PLA2G12A: variants seen among roughly 807,000 people sequenced by gnomAD.
PLA2G12A encodes the protein group XIIA secretory phospholipase A2.
A neutral mutation model predicts 16.0 loss-of-function variants in PLA2G12A; 11 were observed. The ratio of observed to expected loss-of-function variants is 0.69; its 90% CI spans 0.43 to 1.13. The LOEUF is 1.13. Among genes scored for constraint, PLA2G12A ranks in the 50% most tolerant of loss-of-function variants. PLA2G12A has a pLI of 0.00. For synonymous variants in PLA2G12A, 77 were observed against 93.8 expected (o/e 0.82, Z 1.03); for missense variants, 214 against 237.3 (o/e 0.90, Z 0.65).
chr4:109,719,382 T>C (rs1028614461), intron 1 of PLA2G12A, among the ~76,000 whole-genome samples: 1 of 152,008 alleles, frequency 6.6e-6, no homozygotes, highest in Non-Finnish European at 1.5e-5. Context: ...TTCTTTGCCA[T>C]CTAAGGAAAA....
At chr4:109,715,086 C>T (rs1370356022) in intron 3 of PLA2G12A, among the ~76,000 whole-genome samples, 1 of 152,122 alleles carries the variant, frequency 6.6e-6, no homozygotes, top group Non-Finnish European at 1.5e-5. Context: ...GCTGGGATTA[C>T]AGGCGTGGGC....
intron 1 of PLA2G12A, 63 bp downstream of exon 1, chr4:109,729,539 G>A: frequency 6.5e-7 from 1 of 1,531,320 alleles, no homozygotes; most frequent in Non-Finnish European, 8.9e-7. Flanking sequence ...CACACCTCCA[G>A]GATCTCCGTC....
At chr4:109,729,511 T>C in intron 1 of PLA2G12A, 91 bp downstream of exon 1, 1 of 1,354,818 alleles carries the variant, frequency 7.4e-7, no homozygotes, top group Admixed American at 2.1e-5. Context: ...CGTCAAGGTC[T>C]GCCTTGCATC....
rs1579128087 is a variant in PLA2G12A, at chr4:109,728,928, A to G, written c.208+674T>C. 4.6e-5 allele frequency among the ~76,000 whole-genome samples: 7 copies of G among 152,370 alleles called. No homozygotes were observed. In the South Asian group the frequency reaches 1.4e-3, roughly 32 times the overall value. ...CTCTGCCTGAAATACTGAGTTGATTAGTACTCATACCGCCACCAAACAAAT... is the reference window on the plus strand; with the variant it reads ...CTCTGCCTGAAATACTGAGTTGATTGGTACTCATACCGCCACCAAACAAAT... On this transcript the variant is annotated intron_variant, in intron 1 of 3. Transcript: ENST00000243501.
At chr4:109,729,461 A>T in intron 1 of PLA2G12A, 141 bp downstream of exon 1, 1 of 888,348 alleles carries the variant, frequency 1.1e-6, no homozygotes, top group Non-Finnish European at 1.7e-6. Context: ...GAACGGCAAG[A>T]TTCTAGCAGT....
rs995265771 is a variant in PLA2G12A at position 109,713,632 on chromosome 4, T to C, written c.*745A>G. 1 of 152,246 alleles carries C rather than the reference T, an allele frequency of 6.6e-6. No individual in the cohort carries two copies. Among genetic ancestry groups the C allele is most frequent in the African/African-American group, 2.4e-5 (1 of 41,462 alleles). 9.4% of individuals were successfully genotyped at this position (152,246 alleles called of 1,614,324 possible). A position where few individuals can be genotyped will look rare whatever the true frequency, so the allele number is the denominator to read the frequency against. ...TTATAGCAAAAGATGACATTTGTCA[T>C]GTGAGTAGCTCATAAAATGGGAGTG... On this transcript the variant is annotated 3_prime_UTR_variant, in exon 4 of 4. Transcript: ENST00000243501.
Position 109,710,626 on chromosome 4 carries a change from C to G in PLA2G12A, c.*3751G>C, listed in dbSNP as rs978801377. On this transcript the variant is annotated 3_prime_UTR_variant, in exon 4 of 4. Coordinates refer to ENST00000243501, the MANE Select transcript of PLA2G12A (RefSeq NM_030821.5). ...GATTACAGGCATGTGCCACCACACC[C>G]AACTAATTTTTGTATTTTTAGTAGA... is the stretch of plus-strand genomic sequence containing the variant. 6.6e-6 allele frequency: 1 copy of G among 152,246 alleles called. No homozygotes were observed. Among genetic ancestry groups the G allele is most frequent in the African/African-American group, 2.4e-5 (1 of 41,446 alleles). 9.4% of individuals were successfully genotyped at this position (152,246 alleles called of 1,614,324 possible). A position where few individuals can be genotyped will look rare whatever the true frequency, so the allele number is the denominator to read the frequency against.
chr4:109,724,101 CAT>C (rs770052890), intron 1 of PLA2G12A, among the ~76,000 whole-genome samples: 12 of 152,128 alleles, frequency 7.9e-5, no homozygotes, highest in Non-Finnish European at 1.6e-4. Flanking sequence ...GCTTTAAAGA[CAT>C]GTGTCTCAAT....
At chr4:109,723,320 A>G (rs1007789328) in intron 1 of PLA2G12A, among the ~76,000 whole-genome samples, 1 of 152,192 alleles carries the variant, frequency 6.6e-6, no homozygotes, top group African/African-American at 2.4e-5. Flanking sequence ...AAGATTGTAT[A>G]TAAGATTCAA....
intron 1 of PLA2G12A, among the ~76,000 whole-genome samples, chr4:109,719,462 G>T (rs1240524496): frequency 6.6e-6 from 1 of 152,132 alleles, no homozygotes; most frequent in East Asian, 1.9e-4. Context: ...TACTTCTAAA[G>T]AACAGAAGAC....
intron 1 of PLA2G12A, among the ~76,000 whole-genome samples, chr4:109,722,999 A>G (rs1722842397): frequency 6.6e-6 from 1 of 152,226 alleles, no homozygotes; most frequent in South Asian, 2.1e-4. Context: ...TGTTTGCCCT[A>G]GAGTCTCTTT....
chr4:109,729,080 C>T (rs918458314), intron 1 of PLA2G12A, among the ~76,000 whole-genome samples: 5 of 152,106 alleles, frequency 3.3e-5, no homozygotes, highest in Non-Finnish European at 7.3e-5. Flanking sequence ...TATCGGAACC[C>T]TTTCTCAACA....
Position 109,730,055 on chromosome 4 carries a change from C to T in PLA2G12A, c.-246G>A. Reference sequence around the variant, plus strand: ...CAGCGCGCCCGCTCACCTGGGCCAGCAACCGTCCCCTGTGCGCCTGCGCCG... The same window carrying T: ...CAGCGCGCCCGCTCACCTGGGCCAGTAACCGTCCCCTGTGCGCCTGCGCCG... On this transcript the variant is annotated 5_prime_UTR_variant, in exon 1 of 4. Transcript: ENST00000243501. The T allele has an allele frequency of 2.5e-6, 1 of 402,198 alleles. No individual in the cohort carries two copies. The highest frequency in any genetic ancestry group is 4.4e-6 in the Non-Finnish European group (1 of 227,694). 24.9% of individuals were successfully genotyped at this position (402,198 alleles called of 1,614,324 possible).
rs67674001 is a variant in PLA2G12A at position 109,711,053 on chromosome 4, C to CTTTTTTTTTTTTTTTTTT, written c.*3306_*3323dup. The CTTTTTTTTTTTTTTTTTT allele has an allele frequency of 1.0e-4, 6 of 57,236 alleles. No homozygotes were observed. Among genetic ancestry groups the CTTTTTTTTTTTTTTTTTT allele is most frequent in the African/African-American group, 3.4e-4 (4 of 11,896 alleles). The allele number at this position is 57,236 out of a possible 1,614,324, so 3.5% of individuals were successfully genotyped here. A position where few individuals can be genotyped will look rare whatever the true frequency, so the allele number is the denominator to read the frequency against. On this transcript the variant is annotated 3_prime_UTR_variant, in exon 4 of 4. Transcript: ENST00000243501. ...AGAGCTGCTGACAGTTAGTTCTTGC[C>CTTTTTTTTTTTTTTTTTT]TTTTTTTTTTTTTTTTTTTTTTTGC...
At chr4:109,722,795 T>G (rs1722834662) in intron 1 of PLA2G12A, among the ~76,000 whole-genome samples, 1 of 152,252 alleles carries the variant, frequency 6.6e-6, no homozygotes, top group Non-Finnish European at 1.5e-5. Context: ...TATTTTATTA[T>G]GTCTCCCCAT....
chr4:109,723,919 TTGAG>T (rs1429647062), intron 1 of PLA2G12A, among the ~76,000 whole-genome samples: 5 of 152,300 alleles, frequency 3.3e-5, no homozygotes, highest in African/African-American at 9.6e-5. Flanking sequence ...GAAAAACATA[TTGAG>T]TGTGTCATTT....
Position 109,714,198 on chromosome 4 carries a change from C to T in PLA2G12A, c.*179G>A. ...TACCTGAGAAGACAAGCGTGCCCTC[C>T]CCTCACTATCTCCCTCACTTTTTTT... On this transcript the variant is annotated 3_prime_UTR_variant, in exon 4 of 4. Coordinates refer to ENST00000243501, the MANE Select transcript of PLA2G12A (RefSeq NM_030821.5). 1.6e-6 allele frequency: 1 copy of T among 607,864 alleles called. No homozygotes were observed. Among genetic ancestry groups the T allele is most frequent in the South Asian group, 2.0e-5 (1 of 50,396 alleles). 37.7% of individuals were successfully genotyped at this position (607,864 alleles called of 1,614,324 possible). A position where few individuals can be genotyped will look rare whatever the true frequency, so the allele number is the denominator to read the frequency against.
At chr4:109,723,627 T>C (rs959214208) in intron 1 of PLA2G12A, among the ~76,000 whole-genome samples, 1 of 152,232 alleles carries the variant, frequency 6.6e-6, no homozygotes, top group Non-Finnish European at 1.5e-5. Context: ...ATTTAATTCT[T>C]GGGAAGCCCA....
At chr4:109,720,073 G>A (rs1445643762) in intron 1 of PLA2G12A, among the ~76,000 whole-genome samples, 1 of 152,162 alleles carries the variant, frequency 6.6e-6, no homozygotes, top group Non-Finnish European at 1.5e-5. Context: ...ACTGTGAAAT[G>A]ACATCAATTG....
Sources: allele counts gnomAD v4.1 joint callset (sites outside exome capture counted in the v4.1 genomes callset), GRCh38; gene constraint gnomAD v4.1.1; transcripts MANE v1.5; gene names NCBI Gene and HGNC (gene_info 2026-07-23, HGNC 2026-07-21).